MAPK9: variants seen among roughly 807,000 people sequenced by gnomAD.
MAPK9 encodes the protein Jun kinase.
MAPK9 carries 30 observed loss-of-function variants against 57.1 expected under a neutral mutation model. The observed-to-expected ratio is 0.53, with a 90% confidence interval of 0.39 to 0.71. The LOEUF is 0.71. Among genes scored for constraint, MAPK9 ranks in the 30% least tolerant of loss-of-function variants. The pLI is 0.00. For synonymous variants in MAPK9, 155 were observed against 177.0 expected (o/e 0.88, Z 0.99); for missense variants, 362 against 521.0 (o/e 0.69, Z 2.97).
At chr5:180,285,201 C>T (rs1334335058) in intron 1 of MAPK9, among the ~76,000 whole-genome samples, 3 of 152,322 alleles carry the variant, frequency 2.0e-5, no homozygotes, top group South Asian at 2.1e-4. Context: ...TTACTATCCC[C>T]GCTCTGCAAA....
chr5:180,269,145 A>G, intron 3 of MAPK9, 135 bp downstream of exon 3: 1 of 998,620 alleles, frequency 1.0e-6, no homozygotes, highest in Non-Finnish European at 1.5e-6. Context: ...ACAAAAAACA[A>G]AAAACCAATG....
intron 7 of MAPK9, among the ~76,000 whole-genome samples, chr5:180,243,398 G>C (rs556943579): frequency 2.0e-5 from 3 of 152,224 alleles, no homozygotes; most frequent in Non-Finnish European, 4.4e-5. Flanking sequence ...TGTCAGGAAA[G>C]TCAGGCTTCC....
intron 1 of MAPK9, among the ~76,000 whole-genome samples, chr5:180,287,382 C>A (rs1762866063): frequency 6.6e-6 from 1 of 152,190 alleles, no homozygotes; most frequent in South Asian, 2.1e-4. Context: ...ATTTGTGCAA[C>A]TTCCTGTGAA....
At chr5:180,286,079 C>CA (rs56658635) in intron 1 of MAPK9, among the ~76,000 whole-genome samples, 60 of 117,702 alleles carry the variant, frequency 5.1e-4, no homozygotes, top group East Asian at 2.8e-3. Context: ...GACTCCGTCT[C>CA]AAAAAAAAAA....
chr5:180,237,539 C>T (rs1045206788), intron 11 of MAPK9: 5 of 152,118 alleles, frequency 3.3e-5, no homozygotes, highest in African/African-American at 1.2e-4. Flanking sequence ...ACAATTTTCT[C>T]AAAAAGAATA....
chr5:180,252,073 A>G (rs1758770897), intron 5 of MAPK9, among the ~76,000 whole-genome samples: 1 of 152,160 alleles, frequency 6.6e-6, no homozygotes, highest in African/African-American at 2.4e-5. Flanking sequence ...GGGCTCCTCC[A>G]CTTGCAGGGT....
intron 7 of MAPK9, 156 bp from the exon 8 acceptor site, chr5:180,242,911 CA>C (rs1210702813): frequency 5.6e-6 from 3 of 534,900 alleles, no homozygotes; most frequent in Non-Finnish European, 9.7e-6. Context: ...TTTGGGTTTC[CA>C]AGTTACACTA....
At chr5:180,267,429 G>A (rs1393225224) in intron 3 of MAPK9, among the ~76,000 whole-genome samples, 1 of 151,932 alleles carries the variant, frequency 6.6e-6, no homozygotes, top group African/African-American at 2.4e-5. Context: ...GGGTGTGGTG[G>A]CGGGCACCTG....
intron 3 of MAPK9, among the ~76,000 whole-genome samples, chr5:180,266,085 G>A (rs1414829616): frequency 6.7e-6 from 1 of 149,772 alleles, no homozygotes; most frequent in African/African-American, 2.5e-5. Context: ...AAGGGCAATA[G>A]TTTTAATATT....
chr5:180,289,299 G>T (rs1763034809), intron 1 of MAPK9, among the ~76,000 whole-genome samples: 1 of 151,974 alleles, frequency 6.6e-6, no homozygotes, highest in African/African-American at 2.4e-5. Flanking sequence ...TTTAATCTGT[G>T]AACAAATTAA....
intron 2 of MAPK9, among the ~76,000 whole-genome samples, chr5:180,270,562 G>A (rs1761162546): frequency 6.6e-6 from 1 of 152,170 alleles, no homozygotes. Flanking sequence ...TCAAGAATTT[G>A]AAAATAGGCC....
In MAPK9 at chr5:180,239,828, C is replaced by A. The variant is rs910759230; in HGVS notation, c.1060+96G>T. On this transcript the variant is annotated intron_variant, in intron 10 of 11. Transcript: ENST00000452135. Reference sequence around the variant, plus strand: ...TAAGTGGGTCGCAGGGTTTCTTGCCCCTTCCTGAAGGGAAATGTCACAAAA... The same window carrying A: ...TAAGTGGGTCGCAGGGTTTCTTGCCACTTCCTGAAGGGAAATGTCACAAAA... 1.1e-5 allele frequency: 13 copies of A among 1,233,942 alleles called. No homozygotes were observed. The Admixed American group carries it at 2.3e-4, about 22-fold the overall frequency. 76.4% of individuals were successfully genotyped at this position (1,233,942 alleles called of 1,614,324 possible).
At chr5:180,265,142 A>T (rs1760394262) in intron 3 of MAPK9, among the ~76,000 whole-genome samples, 1 of 152,258 alleles carries the variant, frequency 6.6e-6, no homozygotes, top group South Asian at 2.1e-4. Flanking sequence ...ACATTAAAGC[A>T]GTATGTTAAC....
intron 1 of MAPK9, among the ~76,000 whole-genome samples, chr5:180,282,619 C>G (rs978374904): frequency 2.0e-5 from 3 of 152,212 alleles, no homozygotes; most frequent in Admixed American, 6.5e-5. Context: ...ACACAGCGAA[C>G]TGCTGAGCTT....
chr5:180,267,555 CCG>C, intron 3 of MAPK9, among the ~76,000 whole-genome samples: 1 of 110,346 alleles, frequency 9.1e-6, no homozygotes, highest in East Asian at 2.7e-4. Flanking sequence ...GAGCGAGACT[CCG>C]TCTCAAAAAA....
chr5:180,243,212 T>G (rs973841019), intron 7 of MAPK9, among the ~76,000 whole-genome samples: 8 of 152,322 alleles, frequency 5.3e-5, no homozygotes, highest in African/African-American at 1.9e-4. Context: ...AGTTTACAGC[T>G]GGGAACCAAG....
intron 5 of MAPK9, among the ~76,000 whole-genome samples, chr5:180,257,488 T>A (rs987974757): frequency 3.9e-5 from 6 of 152,260 alleles, no homozygotes; most frequent in African/African-American, 1.4e-4. Context: ...ATAGTAATAA[T>A]CCAGGGAATG....
chr5:180,241,584 C>T (rs987268756), intron 8 of MAPK9, among the ~76,000 whole-genome samples: 2 of 152,254 alleles, frequency 1.3e-5, no homozygotes, highest in Non-Finnish European at 2.9e-5. Context: ...CAGGCGTGAG[C>T]CGCCGCACCC....
At chr5:180,240,694 C>A (rs766297640) in intron 9 of MAPK9, among the ~76,000 whole-genome samples, 3 of 152,252 alleles carry the variant, frequency 2.0e-5, no homozygotes, top group Non-Finnish European at 2.9e-5. Context: ...CAGCAAGTTG[C>A]TCAGCCTCTC....
Sources: allele counts gnomAD v4.1 joint callset (sites outside exome capture counted in the v4.1 genomes callset), GRCh38; gene constraint gnomAD v4.1.1; transcripts MANE v1.5; gene names NCBI Gene and HGNC (gene_info 2026-07-23, HGNC 2026-07-21).